The following CACNA2D3 variants were observed in gnomAD, a reference collection of about 807,000 sequenced individuals.
The protein encoded by CACNA2D3 is calcium voltage-gated channel auxiliary subunit alpha2delta 3.
A neutral mutation model predicts 160.6 loss-of-function variants in CACNA2D3; 60 were observed. That is an observed-to-expected ratio of 0.37 (90% CI 0.30 to 0.46). The LOEUF (loss-of-function observed/expected upper bound fraction) is 0.46. CACNA2D3 is among the 20% of genes least tolerant of loss of function. The probability of loss-of-function intolerance (pLI) is 1.00; values close to 1 mark genes in which losing one functional copy is unlikely to be tolerated. For synonymous variants in CACNA2D3, 558 were observed against 492.9 expected (o/e 1.13, Z -1.75); for missense variants, 1,205 against 1,365.0 (o/e 0.88, Z 1.85).
At chr3:54,292,456 C>G (rs1703232780) in intron 2 of CACNA2D3, among the ~76,000 whole-genome samples, 1 of 151,892 alleles carries the variant, frequency 6.6e-6, no homozygotes, top group Non-Finnish European at 1.5e-5. Flanking sequence ...CTAGAATATA[C>G]CAAAAACCCT....
At chr3:54,196,247 ATAT>A (rs1180295551) in intron 2 of CACNA2D3, among the ~76,000 whole-genome samples, 1 of 152,252 alleles carries the variant, frequency 6.6e-6, no homozygotes, top group East Asian at 1.9e-4. Flanking sequence ...ATTTTAAAAA[ATAT>A]TATATGTTGA....
intron 16 of CACNA2D3, among the ~76,000 whole-genome samples, chr3:54,843,802 T>G (rs1559602167): frequency 6.6e-6 from 1 of 152,154 alleles, no homozygotes; most frequent in Admixed American, 6.5e-5. Context: ...GAGAAAAACA[T>G]TAGTAGGATT....
At chr3:54,343,190 C>G (rs150773280) in intron 3 of CACNA2D3, among the ~76,000 whole-genome samples, 2 of 151,706 alleles carry the variant, frequency 1.3e-5, no homozygotes, top group Admixed American at 1.3e-4. Context: ...TGTTTAAAGC[C>G]CCCCCCTCCC....
At chr3:54,406,270 A>C (rs1320611742) in intron 4 of CACNA2D3, among the ~76,000 whole-genome samples, 1 of 152,152 alleles carries the variant, frequency 6.6e-6, no homozygotes, top group Non-Finnish European at 1.5e-5. Flanking sequence ...CATTTTCCAC[A>C]ATAGCCATGA....
At chr3:54,255,295 A>T (rs6798711) in intron 2 of CACNA2D3, among the ~76,000 whole-genome samples, 1 of 152,024 alleles carries the variant, frequency 6.6e-6, no homozygotes, top group Non-Finnish European at 1.5e-5. Flanking sequence ...TCACTCAGGC[A>T]TCTTATAGAG....
At chr3:54,313,094 T>A (rs1703777454) in intron 2 of CACNA2D3, among the ~76,000 whole-genome samples, 1 of 152,118 alleles carries the variant, frequency 6.6e-6, no homozygotes. Context: ...GTGCAGGCAC[T>A]GTGCTGAGGG....
Position 54,720,268 on chromosome 3 carries a change from TCCCTGTA to T in CACNA2D3, c.1168-32330_1168-32324del, listed in dbSNP as rs1701145133. On this transcript the variant is annotated intron_variant, in intron 11 of 37. Transcript: ENST00000474759. ...TTATATGTATTTACAGATACCAACT[TCCCTGTA>T]GTTGTTTTAGTAATAGTGCACTTTT... is the stretch of plus-strand genomic sequence containing the variant. Among the ~76,000 whole-genome samples, 3 of 152,032 alleles carry T rather than the reference TCCCTGTA, an allele frequency of 2.0e-5. No homozygotes were observed. The South Asian group carries it at 6.2e-4, about 31-fold the overall frequency.
intron 35 of CACNA2D3, among the ~76,000 whole-genome samples, chr3:55,026,987 G>GCATGCA (rs200969524): frequency 0.02 from 3,056 of 149,240 alleles, 112 homozygotes; most frequent in African/African-American, 0.076. Flanking sequence ...AAGCGCGCAT[G>GCATGCA]CACGCACACA....
At chr3:54,947,528 G>C (rs1407713541) in intron 27 of CACNA2D3, among the ~76,000 whole-genome samples, 1 of 152,158 alleles carries the variant, frequency 6.6e-6, no homozygotes, top group African/African-American at 2.4e-5. Flanking sequence ...TGTTGAGTCT[G>C]TGGGTTAGCA....
intron 2 of CACNA2D3, among the ~76,000 whole-genome samples, chr3:54,188,168 G>T (rs1210863567): frequency 6.6e-6 from 1 of 152,142 alleles, no homozygotes; most frequent in African/African-American, 2.4e-5. Flanking sequence ...GGTCATGGTT[G>T]TGCTTTTTCC....
At chr3:54,744,613 A>G (rs58272531) in intron 11 of CACNA2D3, among the ~76,000 whole-genome samples, 5,672 of 152,314 alleles carry the variant, frequency 0.037, 351 homozygotes, top group African/African-American at 0.13. Context: ...ATGGCTTGTC[A>G]AAACCCACCC....
chr3:54,941,921 A>G (rs1176559511), intron 27 of CACNA2D3, among the ~76,000 whole-genome samples: 4 of 152,182 alleles, frequency 2.6e-5, no homozygotes, highest in African/African-American at 4.8e-5. Flanking sequence ...CCATGGGATA[A>G]ACTTCAACCT....
intron 25 of CACNA2D3, among the ~76,000 whole-genome samples, chr3:54,895,776 G>A (rs755779628): frequency 3.3e-5 from 5 of 152,300 alleles, no homozygotes; most frequent in South Asian, 2.1e-4. Flanking sequence ...GAGTTGCACC[G>A]TATCAGCCAA....
chr3:54,769,575 A>G (rs950929889), intron 13 of CACNA2D3, among the ~76,000 whole-genome samples: 1 of 152,202 alleles, frequency 6.6e-6, no homozygotes, highest in Non-Finnish European at 1.5e-5. Flanking sequence ...CATTTCTAAC[A>G]TGAGAATACG....
At chr3:54,439,201 C>T (rs373933932) in intron 4 of CACNA2D3, among the ~76,000 whole-genome samples, 1 of 152,140 alleles carries the variant, frequency 6.6e-6, no homozygotes, top group East Asian at 1.9e-4. Context: ...CCTAGAGCCA[C>T]GTTTGTCCAG....
intron 14 of CACNA2D3, among the ~76,000 whole-genome samples, chr3:54,832,959 A>G (rs1703911494): frequency 6.6e-6 from 1 of 152,216 alleles, no homozygotes. Flanking sequence ...AGGTCTAGCC[A>G]TGTTGCCAAC....
At chr3:54,711,727 A>ATCTCCCC (rs1373434678) in intron 11 of CACNA2D3, among the ~76,000 whole-genome samples, 9 of 152,210 alleles carry the variant, frequency 5.9e-5, no homozygotes, top group Admixed American at 2.0e-4. Flanking sequence ...GACTCTGGGA[A>ATCTCCCC]AAAGGAGAAA....
intron 5 of CACNA2D3, among the ~76,000 whole-genome samples, chr3:54,554,116 T>C (rs1389174968): frequency 1.3e-5 from 2 of 152,258 alleles, no homozygotes; most frequent in East Asian, 3.9e-4. Context: ...CTTGCTAGCG[T>C]AGGCATTTGG....
chr3:54,424,348 T>C (rs778849463), intron 4 of CACNA2D3, among the ~76,000 whole-genome samples: 1 of 152,138 alleles, frequency 6.6e-6, no homozygotes, highest in Non-Finnish European at 1.5e-5. Flanking sequence ...AAAGTGCTAA[T>C]GTTGATTGAG....
Sources: allele counts gnomAD v4.1 joint callset (sites outside exome capture counted in the v4.1 genomes callset), GRCh38; gene constraint gnomAD v4.1.1; transcripts MANE v1.5; gene names NCBI Gene and HGNC (gene_info 2026-07-23, HGNC 2026-07-21).